The following EFHC2 variants were observed in gnomAD, a reference collection of about 807,000 sequenced individuals.
EFHC2 encodes the protein EF-hand domain containing 2.
In EFHC2, 18 loss-of-function variants were observed where a neutral mutation model predicts 52.7. That is an observed-to-expected ratio of 0.34 (90% CI 0.24 to 0.51). The LOEUF is 0.51. Among genes scored for constraint, EFHC2 ranks in the 20% least tolerant of loss-of-function variants. The pLI is 0.97. For missense variants in EFHC2, 513 were observed against 562.5 expected, an observed-to-expected ratio of 0.91 and a Z score of 0.89; for synonymous variants, 203 against 204.1, an observed-to-expected ratio of 0.99 and a Z score of 0.04.
intron 11 of EFHC2, among the ~76,000 whole-genome samples, chrX:44,205,004 G>A (rs1202713537): frequency 9.0e-6 from 1 of 111,541 alleles, no homozygotes; most frequent in Non-Finnish European, 1.9e-5. Flanking sequence ...TACCTGTAAA[G>A]GGAATCCCAT....
intron 2 of EFHC2, among the ~76,000 whole-genome samples, chrX:44,287,867 G>A (rs1050110499): frequency 8.9e-6 from 1 of 111,781 alleles, no homozygotes; most frequent in African/African-American, 3.3e-5. Flanking sequence ...TCAACATTTC[G>A]CTTCACTTAA....
intron 1 of EFHC2, among the ~76,000 whole-genome samples, chrX:44,331,849 G>A (rs2038088696): frequency 9.0e-6 from 1 of 110,787 alleles, no homozygotes; most frequent in African/African-American, 3.3e-5. Flanking sequence ...GATTAATCCA[G>A]GGAGGTCGAG....
intron 2 of EFHC2, among the ~76,000 whole-genome samples, chrX:44,282,232 GGCACCA>G (rs1203074366): frequency 9.2e-6 from 1 of 108,950 alleles, no homozygotes; most frequent in Non-Finnish European, 1.9e-5. Flanking sequence ...GTATTATAAA[GGCACCA>G]GCATGATATT....
intron 2 of EFHC2, among the ~76,000 whole-genome samples, chrX:44,296,253 CT>C (rs1446881690): frequency 1.8e-5 from 2 of 111,667 alleles, no homozygotes; most frequent in African/African-American, 6.5e-5. Flanking sequence ...ATAATATTAT[CT>C]CCATTACCTA....
At chrX:44,152,069 T>G (rs746140445) in intron 14 of EFHC2, among the ~76,000 whole-genome samples, 3 of 112,031 alleles carry the variant, frequency 2.7e-5, no homozygotes, top group African/African-American at 9.7e-5. Context: ...TGATTTATGA[T>G]GATGATAAAC....
At position 44,242,139 on chromosome X, in the gene EFHC2, T is replaced by A. The variant is rs979033345; in HGVS notation, c.1262A>T (p.Lys421Met). 6.7e-6 allele frequency: 8 copies of A among 1,190,984 alleles called. No homozygotes were observed. The East Asian group carries it at 1.2e-4, about 18-fold the overall frequency. Residue 421 changes from lysine (K) to methionine (M), a missense_variant, in exon 8 of 15, where the codon AAG (lysine) becomes ATG (methionine). Transcript: ENST00000420999. Reference sequence around the variant, plus strand: ...CAAGCACCTGTCTTTTTCCATAAACTTCTTGAAGTTCCTCCGATGAGGTGT... The same window carrying A: ...CAAGCACCTGTCTTTTTCCATAAACATCTTGAAGTTCCTCCGATGAGGTGT... ...KPTPHRRNFKKFMEKDSYGSK... is the reference protein window; with the variant it reads ...KPTPHRRNFKMFMEKDSYGSK...
chrX:44,280,129 T>G (rs1265158021), intron 2 of EFHC2, among the ~76,000 whole-genome samples: 2 of 109,183 alleles, frequency 1.8e-5, no homozygotes, highest in Non-Finnish European at 3.8e-5. Flanking sequence ...CCCAAGTGAT[T>G]ACAAACTGCA....
At chrX:44,319,581 T>C (rs1019867753) in intron 1 of EFHC2, among the ~76,000 whole-genome samples, 3 of 112,500 alleles carry the variant, frequency 2.7e-5, no homozygotes. Context: ...CCCAAATACT[T>C]GCCTATAAAA....
intron 1 of EFHC2, among the ~76,000 whole-genome samples, chrX:44,321,890 AC>A (rs1476096025): frequency 5.4e-5 from 6 of 111,683 alleles, no homozygotes. Context: ...CCTTAAAATA[AC>A]CCAAGCTCAG....
At position 44,305,169 on chromosome X, in the gene EFHC2, G is replaced by A. The variant is rs1057436016; in HGVS notation, c.231+7399C>T. 9.9e-5 allele frequency among the ~76,000 whole-genome samples: 11 copies of A among 110,980 alleles called. No individual in the cohort carries two copies. In the East Asian group the frequency reaches 2.3e-3, roughly 23 times the overall value. On this transcript the variant is annotated intron_variant, in intron 2 of 14. Transcript: ENST00000420999. ...CCCAGCTACTCGGGAGGCTGAGACA[G>A]GAGAATCGCTTGAACTTGGGAGGCG...
At chrX:44,298,762 G>A (rs1374464574) in intron 2 of EFHC2, among the ~76,000 whole-genome samples, 2 of 105,429 alleles carry the variant, frequency 1.9e-5, no homozygotes, top group African/African-American at 7.0e-5. Context: ...TTGGGAGGCT[G>A]AGGCAGGAGA....
chrX:44,225,138 G>A (rs982991497), intron 11 of EFHC2, among the ~76,000 whole-genome samples: 6 of 109,839 alleles, frequency 5.5e-5, no homozygotes, highest in African/African-American at 1.7e-4. Context: ...TCTCACAGGC[G>A]AATCTGATAG....
At chrX:44,159,575 T>C (rs2036634594) in intron 14 of EFHC2, among the ~76,000 whole-genome samples, 1 of 112,663 alleles carries the variant, frequency 8.9e-6, no homozygotes, top group African/African-American at 3.2e-5. Flanking sequence ...GGTACCATTT[T>C]ATATCTATTT....
At chrX:44,310,336 A>T in intron 2 of EFHC2, 1 of 877,755 alleles carries the variant, frequency 1.1e-6, no homozygotes, top group South Asian at 2.1e-5. Flanking sequence ...TCCTCCATGC[A>T]GTCTTGCTGG....
At chrX:44,282,831 T>A (rs1282838756) in intron 2 of EFHC2, among the ~76,000 whole-genome samples, 1 of 109,951 alleles carries the variant, frequency 9.1e-6, no homozygotes, top group African/African-American at 3.3e-5. Context: ...ACAAAAAGCA[T>A]GTAATGGCTG....
chrX:44,231,628 T>C (rs2037278261), intron 10 of EFHC2, among the ~76,000 whole-genome samples: 2 of 110,723 alleles, frequency 1.8e-5, no homozygotes, highest in East Asian at 2.9e-4. Flanking sequence ...GGATCCAAAC[T>C]GATATGAATG....
At chrX:44,253,345 G>A (rs975033413) in intron 4 of EFHC2, among the ~76,000 whole-genome samples, 24 of 110,412 alleles carry the variant, frequency 2.2e-4, no homozygotes, top group Admixed American at 9.6e-4. Flanking sequence ...TAGCTCAGTG[G>A]ATCCCCCCAG....
At chrX:44,206,587 G>C (rs2037050686) in intron 11 of EFHC2, among the ~76,000 whole-genome samples, 2 of 111,494 alleles carry the variant, frequency 1.8e-5, no homozygotes, top group Non-Finnish European at 3.8e-5. Flanking sequence ...GAGAACCAAT[G>C]AAGAATGAAA....
At chrX:44,228,748 C>T (rs535100159) in intron 11 of EFHC2, among the ~76,000 whole-genome samples, 24 of 111,334 alleles carry the variant, frequency 2.2e-4, no homozygotes, top group Non-Finnish European at 4.1e-4. Flanking sequence ...CGACTGCAGA[C>T]ACAAAGTTGG....
Sources: allele counts gnomAD v4.1 joint callset (sites outside exome capture counted in the v4.1 genomes callset), GRCh38; gene constraint gnomAD v4.1.1; transcripts MANE v1.5; gene names NCBI Gene and HGNC (gene_info 2026-07-23, HGNC 2026-07-21).